ALKBH3: variants seen among roughly 807,000 people sequenced by gnomAD.
ALKBH3 encodes the protein alkB homolog 3, alpha-ketoglutarate dependent dioxygenase, also known as alpha-ketoglutarate-dependent dioxygenase alkB homolog 3.
Under a neutral mutation model 43.9 loss-of-function variants are expected in ALKBH3, and 51 were observed. The observed-to-expected ratio is 1.16, with a 90% CI of 0.93 to 1.47. The LOEUF is 1.47. Among genes scored for constraint, ALKBH3 ranks in the 40% most tolerant of loss-of-function variants. The pLI, the probability that ALKBH3 is intolerant of heterozygous loss-of-function variation, is 0.00. For synonymous variants in ALKBH3, 102 were observed against 115.2 expected, an observed-to-expected ratio of 0.89 and a Z score of 0.73; for missense variants, 361 against 351.9, an observed-to-expected ratio of 1.03 and a Z score of -0.21.
At chr11:43,908,681 T>A (rs536667919) in intron 8 of ALKBH3, among the ~76,000 whole-genome samples, 1 of 152,370 alleles carries the variant, frequency 6.6e-6, no homozygotes, top group East Asian at 1.9e-4. Context: ...AGGTTTGTTT[T>A]TGCTCAAATT....
At chr11:43,897,804 C>T (rs1049426) in intron 7 of ALKBH3, 4 of 829,948 alleles carry the variant, frequency 4.8e-6, no homozygotes, top group South Asian at 1.3e-5. Flanking sequence ...AGATTGGACC[C>T]GTTTTGAACA....
At chr11:43,889,282 C>T (rs911045983) in intron 5 of ALKBH3, among the ~76,000 whole-genome samples, 3 of 152,206 alleles carry the variant, frequency 2.0e-5, no homozygotes, top group Admixed American at 1.3e-4. Flanking sequence ...GCTTGAGCCT[C>T]CCAAAGTGCT....
chr11:43,894,592 ATC>A (rs1381204750), intron 7 of ALKBH3, among the ~76,000 whole-genome samples: 2 of 152,174 alleles, frequency 1.3e-5, no homozygotes, highest in Non-Finnish European at 2.9e-5. Flanking sequence ...ACTTTATGCT[ATC>A]TCAGTATTCA....
intron 7 of ALKBH3, chr11:43,898,255 A>G (rs2135188895): frequency 1.2e-6 from 1 of 800,590 alleles, no homozygotes. Context: ...TGAAATTCCA[A>G]AAGATGAGCA....
At chr11:43,891,914 G>A in intron 6 of ALKBH3, 127 bp from the exon 7 acceptor site, 1 of 686,036 alleles carries the variant, frequency 1.5e-6, no homozygotes, top group Non-Finnish European at 2.5e-6. Flanking sequence ...TGGAACTTTG[G>A]GTCACAGCCC....
rs1554976906 is a variant in ALKBH3 at position 43,900,215 on chromosome 11, A to AATTTTTTTTTT, written c.460-1301_460-1300insATTTTTTTTTT. ...ATTGCATTTTTTTTATTTTAATTTA[A>AATTTTTTTTTT]TTTTTTTTTTTTTTTTTTTTTTTTT... On this transcript the variant is annotated intron_variant, in intron 7 of 9. Transcript: ENST00000302708. 8.0e-5 allele frequency among the ~76,000 whole-genome samples: 7 copies of AATTTTTTTTTT among 87,170 alleles called. 1 individual carries two copies. The highest frequency in any genetic ancestry group is 1.8e-4 in the African/African-American group (4 of 22,414). The allele number at this position is 87,170 out of a possible 152,430, so 57.2% of individuals were successfully genotyped here. A position where few individuals can be genotyped will look rare whatever the true frequency, so the allele number is the denominator to read the frequency against.
Position 43,892,809 on chromosome 11 carries a change from G to A in ALKBH3, c.459+680G>A, listed in dbSNP as rs553981994. ...AAAATGGAGTTTTGCTTATGGCATT[G>A]GGATACACAGAAATGTGACACATTT... On this transcript the variant is annotated intron_variant, in intron 7 of 9. Coordinates refer to ENST00000302708, the MANE Select transcript of ALKBH3 (RefSeq NM_139178.4). Among the ~76,000 whole-genome samples, 199 of 152,296 alleles carry A rather than the reference G, an allele frequency of 1.3e-3. 1 individual carries two copies. Among genetic ancestry groups the A allele is most frequent in the African/African-American group, 4.6e-3 (191 of 41,570 alleles).
At position 43,899,217 on chromosome 11, in the gene ALKBH3, A is replaced by G. The variant is rs918105616; in HGVS notation, c.460-2299A>G. 7 of 758,574 alleles carry G rather than the reference A, an allele frequency of 9.2e-6. No individual in the cohort carries two copies. The Admixed American group carries it at 1.0e-4, about 11-fold the overall frequency. 47.0% of individuals were successfully genotyped at this position (758,574 alleles called of 1,614,324 possible). A position where few individuals can be genotyped will look rare whatever the true frequency, so the allele number is the denominator to read the frequency against. ...GTGCAGCTCATAGACAAAGTCTGGC[A>G]GTGGGGCCGTGACTACAGCATGGTG... On this transcript the variant is annotated intron_variant, in intron 7 of 9. Transcript: ENST00000302708.
At chr11:43,913,931 T>A (rs1951961570) in intron 8 of ALKBH3, among the ~76,000 whole-genome samples, 1 of 152,226 alleles carries the variant, frequency 6.6e-6, no homozygotes, top group African/African-American at 2.4e-5. Flanking sequence ...TCAGCTTCCC[T>A]GGAAAACCCA....
In ALKBH3 at chr11:43,897,973, A is replaced by G. The variant is rs570721933; in HGVS notation, c.460-3543A>G. 8.8e-6 allele frequency: 7 copies of G among 791,068 alleles called. No homozygotes were observed. In the African/African-American group the frequency reaches 1.0e-4, roughly 11 times the overall value. 49.0% of individuals were successfully genotyped at this position (791,068 alleles called of 1,614,324 possible). On this transcript the variant is annotated intron_variant, in intron 7 of 9. Coordinates refer to ENST00000302708, the MANE Select transcript of ALKBH3 (RefSeq NM_139178.4). ...AGGCATAACCTTTGTGCCCCATTGG[A>G]CTCCACCTTCCATCACGCCCTCTTC...
intron 8 of ALKBH3, among the ~76,000 whole-genome samples, chr11:43,914,465 C>G (rs1951966422): frequency 6.6e-6 from 1 of 151,788 alleles, no homozygotes; most frequent in African/African-American, 2.4e-5. Context: ...TACCTGGAAA[C>G]TGTTATAAAA....
chr11:43,899,751 C>G (rs1951847628), intron 7 of ALKBH3: 1 of 244,820 alleles, frequency 4.1e-6, no homozygotes, highest in African/African-American at 2.3e-5. Flanking sequence ...AACTCTGATC[C>G]TACCTTAACT....
At chr11:43,887,311 A>G (rs1565122905) in intron 5 of ALKBH3, among the ~76,000 whole-genome samples, 1 of 151,916 alleles carries the variant, frequency 6.6e-6, no homozygotes, top group South Asian at 2.1e-4. Flanking sequence ...AAGATTGAAT[A>G]TTTTTTTCTT....
intron 5 of ALKBH3, among the ~76,000 whole-genome samples, chr11:43,888,558 A>G (rs962317184): frequency 1.3e-5 from 2 of 152,270 alleles, no homozygotes; most frequent in African/African-American, 4.8e-5. Context: ...TTTAAAACAA[A>G]TAGAACTTAC....
intron 5 of ALKBH3, among the ~76,000 whole-genome samples, chr11:43,888,596 C>G (rs1236962427): frequency 6.6e-6 from 1 of 152,134 alleles, no homozygotes; most frequent in Non-Finnish European, 1.5e-5. Flanking sequence ...TTCAGAGGAG[C>G]TTCTGCTGGA....
At chr11:43,917,941 A>G (rs1001723723) in intron 8 of ALKBH3, among the ~76,000 whole-genome samples, 12 of 152,226 alleles carry the variant, frequency 7.9e-5, no homozygotes, top group Admixed American at 7.8e-4. Context: ...CAAGTTCATG[A>G]TTGTTTTGAT....
chr11:43,881,988 G>A (rs1339641487), intron 1 of ALKBH3, among the ~76,000 whole-genome samples: 1 of 152,194 alleles, frequency 6.6e-6, no homozygotes, highest in Non-Finnish European at 1.5e-5. Flanking sequence ...AATATAAGTT[G>A]AATGTTAATC....
intron 8 of ALKBH3, among the ~76,000 whole-genome samples, chr11:43,903,528 T>C (rs2434473): frequency 0.99 from 151,294 of 152,288 alleles, 75,162 homozygotes; most frequent in Middle Eastern, 1. Context: ...AAGATGAAAT[T>C]GTCTTTCTCC....
intron 7 of ALKBH3, chr11:43,898,375 ACCTGGGCCGTT>A (rs1463181526): frequency 1.4e-6 from 1 of 698,512 alleles, no homozygotes; most frequent in Non-Finnish European, 2.6e-6. Flanking sequence ...CATTCTTGCT[ACCTGGGCCGTT>A]CCACAGGTCC....
Sources: allele counts gnomAD v4.1 joint callset (sites outside exome capture counted in the v4.1 genomes callset), GRCh38; gene constraint gnomAD v4.1.1; transcripts MANE v1.5; gene names NCBI Gene and HGNC (gene_info 2026-07-23, HGNC 2026-07-21).